Variants in KANK2 observed in about 807,000 individuals in gnomAD.
KANK2 encodes the protein KN motif and ankyrin repeat domains 2.
KANK2 carries 41 observed loss-of-function variants against 74.6 expected under a neutral mutation model. The ratio of observed to expected loss-of-function variants is 0.55; its 90% CI spans 0.43 to 0.71. The LOEUF (loss-of-function observed/expected upper bound fraction) is 0.71, where lower values mean the gene tolerates loss of function less well. Ranked by LOEUF, KANK2 falls within the 30% of genes least tolerant of loss-of-function variation. The pLI is 0.00. For missense variants in KANK2, 1,148 were observed against 1,196.4 expected (o/e 0.96, Z 0.60); for synonymous variants, 537 against 519.0 (o/e 1.03, Z -0.47).
intron 4 of KANK2, among the ~76,000 whole-genome samples, chr19:11,179,862 C>T (rs1227969467): frequency 6.6e-6 from 1 of 152,152 alleles, no homozygotes; most frequent in East Asian, 1.9e-4. Context: ...CCCTGGGCCA[C>T]ATATGGCTGC....
chr19:11,174,606 C>T lies in KANK2; in HGVS notation c.1935G>A (p.Leu645=), dbSNP rs1248454883. Residue 645 remains leucine (L), a synonymous_variant, in exon 9 of 13, where the codon CTG becomes CTA. Coordinates refer to ENST00000586659, the MANE Select transcript of KANK2 (RefSeq NM_001136191.3). Reference sequence around the variant, plus strand: ...GCGCAGACATGGCCCGGAACGTGACCAGGTGCCGCCGCACCAGCTCGGGGT... The same window carrying T: ...GCGCAGACATGGCCCGGAACGTGACTAGGTGCCGCCGCACCAGCTCGGGGT... ...DAHPELVRRH[L]VTFRAMSARL... is the part of the protein sequence containing the mutation. 9.9e-6 allele frequency: 16 copies of T among 1,612,762 alleles called. No individual in the cohort carries two copies. The highest frequency in any genetic ancestry group is 1.3e-5 in the Non-Finnish European group (15 of 1,179,762).
At chr19:11,171,536 T>C (rs988469006) in intron 10 of KANK2, among the ~76,000 whole-genome samples, 3 of 151,378 alleles carry the variant, frequency 2.0e-5, no homozygotes, top group Non-Finnish European at 4.4e-5. Context: ...TTCTTTTTTT[T>C]TTTAATAGAG....
At chr19:11,175,739 C>T (rs1424715883) in intron 8 of KANK2, among the ~76,000 whole-genome samples, 163 bp downstream of exon 8, 1 of 152,152 alleles carries the variant, frequency 6.6e-6, no homozygotes, top group African/African-American at 2.4e-5. Context: ...GGCCTCTCTC[C>T]GAGGCCCATG....
chr19:11,182,591 C>G (rs558097091), intron 4 of KANK2, among the ~76,000 whole-genome samples: 11 of 149,860 alleles, frequency 7.3e-5, no homozygotes, highest in South Asian at 4.2e-4. Flanking sequence ...CGATTGTAAC[C>G]CCAGGACTTT....
At position 11,178,628 on chromosome 19, in the gene KANK2, G is replaced by C; in HGVS notation, c.1342C>G (p.Pro448Ala). The C allele has an allele frequency of 1.9e-6, 3 of 1,594,602 alleles. No homozygotes were observed. Among genetic ancestry groups the C allele is most frequent in the South Asian group, 1.1e-5 (1 of 88,480 alleles). ...TCCCTGTGGGTGGGCTCCTGGGTGG[G>C]CACTCGGCCTGTGCTCTTCTCAGGC... is the stretch of plus-strand genomic sequence containing the variant. ...TQPEKSTGRVPTQEPTHREPT... is the reference protein window; with the variant it reads ...TQPEKSTGRVATQEPTHREPT... The change falls in exon 5 of 13, where the codon CCC becomes GCC. Residue 448 changes from proline (P) to alanine (A), a missense_variant. Transcript: ENST00000586659.
rs1434961195 is a variant in KANK2 at position 11,174,368 on chromosome 19, A to G, written c.2068+105T>C. On this transcript the variant is annotated intron_variant, in intron 9 of 12. Coordinates refer to ENST00000586659, the MANE Select transcript of KANK2 (RefSeq NM_001136191.3). ...ATACTGAGAAGGCCGCGTCTCCTCC[A>G]TCATCTTCCCCATCAGATGGGGAGG... is the stretch of plus-strand genomic sequence containing the variant. The G allele has an allele frequency of 4.3e-6, 4 of 938,054 alleles. No homozygotes were observed. In the Admixed American group the frequency reaches 6.1e-5, roughly 14 times the overall value. 58.1% of individuals were successfully genotyped at this position (938,054 alleles called of 1,614,324 possible).
chr19:11,177,114 G>C (rs1355150750), intron 6 of KANK2, among the ~76,000 whole-genome samples: 3 of 11,584 alleles, frequency 2.6e-4, no homozygotes, highest in Non-Finnish European at 5.4e-4. Flanking sequence ...TTTTTTTTTT[G>C]AGATGGAGTC....
chr19:11,181,114 A>AGC (rs2078504481), intron 4 of KANK2, among the ~76,000 whole-genome samples: 1 of 79,342 alleles, frequency 1.3e-5, no homozygotes, highest in Non-Finnish European at 2.6e-5. Context: ...AAAAAAAAAA[A>AGC]AATTCTGGGA....
chr19:11,169,709 C>G (rs2078117632), intron 12 of KANK2, 168 bp downstream of exon 12: 3 of 617,664 alleles, frequency 4.9e-6, no homozygotes, highest in African/African-American at 3.7e-5. Flanking sequence ...GCTGAGGCAG[C>G]AGAATGGCTT....
At chr19:11,167,768 T>C (rs2078063146) in intron 12 of KANK2, among the ~76,000 whole-genome samples, 1 of 151,954 alleles carries the variant, frequency 6.6e-6, no homozygotes, top group Non-Finnish European at 1.5e-5. Context: ...CCTCAGGTGA[T>C]CTGCCCGCCA....
intron 6 of KANK2, among the ~76,000 whole-genome samples, chr19:11,177,300 T>C (rs2078373743): frequency 6.6e-6 from 1 of 152,108 alleles, no homozygotes; most frequent in Non-Finnish European, 1.5e-5. Context: ...GTTGCCATGT[T>C]GGCCAGGCTG....
At chr19:11,184,807 CTTTT>C (rs147098304) in intron 4 of KANK2, among the ~76,000 whole-genome samples, 1 of 146,234 alleles carries the variant, frequency 6.8e-6, no homozygotes, top group African/African-American at 2.5e-5. Context: ...CAGGGAACTT[CTTTT>C]TTTTCTTTTT....
chr19:11,191,369 GC>G (rs2078840226), intron 4 of KANK2, among the ~76,000 whole-genome samples: 1 of 152,182 alleles, frequency 6.6e-6, no homozygotes, highest in African/African-American at 2.4e-5. Flanking sequence ...CATTTGGGTG[GC>G]TTCTCCCAGG....
At chr19:11,185,599 GT>G (rs2078652701) in intron 4 of KANK2, among the ~76,000 whole-genome samples, 1 of 150,298 alleles carries the variant, frequency 6.7e-6, no homozygotes, top group Non-Finnish European at 1.5e-5. Context: ...TAGTTTGCCA[GT>G]TTTGACTCTG....
rs2078916310 is a variant in KANK2, at chr19:11,193,422, G to A, written c.658C>T (p.Gln220Ter). The A allele has an allele frequency of 6.2e-7, 1 of 1,612,196 alleles. No individual in the cohort carries two copies. The highest frequency in any genetic ancestry group is 8.5e-7 in the Non-Finnish European group (1 of 1,179,852). Reference sequence around the variant, plus strand: ...ACTGTGAGCTGCCGCTTTTCCTCCTGGAGCACCGAGAGCTTCACCTGGAGC... The same window carrying A: ...ACTGTGAGCTGCCGCTTTTCCTCCTAGAGCACCGAGAGCTTCACCTGGAGC... The part of the protein sequence containing the change: ...PVLQVKLSVL[Q>*]EEKRQLTVQL... The change falls in exon 4 of 13, where the codon CAG (glutamine) becomes TAG (stop). Residue 220 changes from glutamine to a stop codon, truncating the protein, a stop_gained. Transcript: ENST00000586659. LOFTEE classifies it high-confidence loss of function. This position sits in a 1 kb window ranked among gnomAD's most constrained non-coding sequence, Gnocchi z 9.6.
intron 4 of KANK2, among the ~76,000 whole-genome samples, chr19:11,182,993 G>C (rs1179388646): frequency 1.3e-5 from 2 of 152,068 alleles, no homozygotes; most frequent in African/African-American, 2.4e-5. Context: ...TGGAATGCTA[G>C]CATAACAAGA....
rs567356438 is a variant in KANK2 at position 11,180,883 on chromosome 19, A to C, written c.1250-2163T>G. Among the ~76,000 whole-genome samples the C allele has an allele frequency of 9.2e-5, 14 of 151,844 alleles. No homozygotes were observed. The South Asian group carries it at 2.7e-3, about 29-fold the overall frequency. On this transcript the variant is annotated intron_variant, in intron 4 of 12. Transcript: ENST00000586659. ...GGTGGGTCACTTGAAGTCAGGAATT[A>C]AGAGACCAGCCTGGCCAACATGGCA...
At chr19:11,183,531 CA>C (rs2078588391) in intron 4 of KANK2, among the ~76,000 whole-genome samples, 1 of 152,214 alleles carries the variant, frequency 6.6e-6, no homozygotes, top group Non-Finnish European at 1.5e-5. Flanking sequence ...CTCTGTTGTC[CA>C]GGCTGGAGCG....
At chr19:11,196,636 C>G (rs2079028108) in intron 1 of KANK2, 1 of 152,238 alleles carries the variant, frequency 6.6e-6, no homozygotes, top group Middle Eastern at 3.4e-3. Context: ...TCACCGCCCT[C>G]GATGAGGACC....
Sources: gnomAD v4.1 joint callset for allele counts (sites outside exome capture counted in the v4.1 genomes callset) on GRCh38, gnomAD v4.1.1 for gene constraint, Gnocchi (gnomAD v3.1) non-coding constraint, MANE v1.5 for transcripts, NCBI Gene and HGNC (gene_info 2026-07-23, HGNC 2026-07-21) for gene names.